COG2: variants seen among roughly 807,000 people sequenced by gnomAD.
The protein encoded by COG2 is component of oligomeric golgi complex 2, also known as conserved oligomeric Golgi complex subunit 2.
A neutral mutation model predicts 90.6 loss-of-function variants in COG2; 52 were observed. The ratio of observed to expected loss-of-function variants is 0.57; its 90% CI spans 0.46 to 0.72. The LOEUF (loss-of-function observed/expected upper bound fraction) is 0.72. Ranked by LOEUF, COG2 falls within the 30% of genes least tolerant of loss-of-function variation. The pLI, the probability that COG2 is intolerant of heterozygous loss-of-function variation, is 0.00. For synonymous variants in COG2, 337 were observed against 320.4 expected, an observed-to-expected ratio of 1.05 and a Z score of -0.55; for missense variants, 829 against 891.2, an observed-to-expected ratio of 0.93 and a Z score of 0.89.
Position 230,678,922 on chromosome 1 carries a change from A to G in COG2, c.1036A>G (p.Ile346Val), listed in dbSNP as rs11558606. The G allele has an allele frequency of 0.055, 88,494 of 1,611,504 alleles. 2,700 individuals are homozygous for G. Among genetic ancestry groups the G allele is most frequent in the East Asian group, 0.094 (4,228 of 44,818 alleles). Residue 346 changes from isoleucine to valine, a missense_variant, in exon 10 of 18, where the codon ATA becomes GTA. By Grantham distance (29) the Ile-to-Val change is conservative. Coordinates refer to ENST00000366669, the MANE Select transcript of COG2 (RefSeq NM_007357.3). ...NPDAFHEKYT[I>V]SMDFVRRLER... ...TTTTGTTTTATTTTAGAAATATACC[A>G]TAAGTATGGATTTTGTCAGAAGATT...
Position 230,690,044 on chromosome 1 carries a change from G to A in COG2, c.1825G>A (p.Asp609Asn), listed in dbSNP as rs542540708. The change falls in exon 16 of 18, where the codon GAC (aspartate) becomes AAC (asparagine). Residue 609 changes from aspartate (D) to asparagine (N), a missense_variant. Transcript: ENST00000366669. ...EVPTTASSYV[D>N]SALKPLFQLQ... ...CCCAACCACAGCTTCCTCCTATGTGGACAGTGCTCTGAAGCCCTTATTCCA... is the reference window on the plus strand; with the variant it reads ...CCCAACCACAGCTTCCTCCTATGTGAACAGTGCTCTGAAGCCCTTATTCCA... 60 of 1,610,958 alleles carry A rather than the reference G, an allele frequency of 3.7e-5. No homozygotes were observed. The Admixed American group carries it at 7.2e-4, about 19-fold the overall frequency.
At chr1:230,693,262 T>A in intron 17 of COG2, 30 bp from the exon 18 acceptor site, 1 of 1,330,338 alleles carries the variant, frequency 7.5e-7, no homozygotes, top group South Asian at 1.2e-5. Context: ...TGAATTGCAG[T>A]AACATAATTC....
chr1:230,650,545 G>C (rs1278952200), intron 1 of COG2, among the ~76,000 whole-genome samples: 1 of 152,002 alleles, frequency 6.6e-6, no homozygotes, highest in African/African-American at 2.4e-5. Flanking sequence ...ACTTTTTAAT[G>C]GGGTTACTTG....
chr1:230,682,575 G>A (rs1229733047), intron 10 of COG2: 1 of 152,232 alleles, frequency 6.6e-6, no homozygotes, highest in African/African-American at 2.4e-5. Context: ...TGTCTTCAGT[G>A]CTCAGCTGTG....
intron 1 of COG2, among the ~76,000 whole-genome samples, chr1:230,645,233 C>CAAAAAAAAAAAAAAAAAA (rs57806034): frequency 1.1e-5 from 1 of 91,062 alleles, no homozygotes. Flanking sequence ...GAGACCCTGT[C>CAAAAAAAAAAAAAAAAAA]AAAAAAAAAA....
rs549519631 is a variant in COG2, at chr1:230,660,633, A to G, written c.235-125A>G. On this transcript the variant is annotated intron_variant, in intron 2 of 17. Transcript: ENST00000366669. ...TTGTTATTTAGTTACTTAACAATAT[A>G]TGGTTGTTCATTTTGTTGTACAGAA... 5.5e-4 allele frequency: 287 copies of G among 523,046 alleles called. 3 individuals are homozygous for G. The highest frequency in any genetic ancestry group is 5.3e-3 in the African/African-American group (272 of 51,320). 32.4% of individuals were successfully genotyped at this position (523,046 alleles called of 1,614,324 possible). A position where few individuals can be genotyped will look rare whatever the true frequency, so the allele number is the denominator to read the frequency against.
In COG2 at chr1:230,693,375, A is replaced by G; in HGVS notation, c.2199A>G (p.Ala733=). The part of the protein sequence containing the change: ...AELVAAAKDQ[A]TAEQP ...TTGTTGCTGCTGCCAAGGACCAGGC[A>G]ACAGCAGAGCAGCCTTAAGCATCTT... Residue 733 remains alanine (A), a synonymous_variant, in exon 18 of 18, where the codon GCA becomes GCG. Coordinates refer to ENST00000366669, the MANE Select transcript of COG2 (RefSeq NM_007357.3). 6.2e-7 allele frequency: 1 copy of G among 1,612,466 alleles called. No individual in the cohort carries two copies. Among genetic ancestry groups the G allele is most frequent in the Non-Finnish European group, 8.5e-7 (1 of 1,178,834 alleles).
intron 12 of COG2, among the ~76,000 whole-genome samples, chr1:230,686,447 T>C (rs1422518150): frequency 1.3e-5 from 2 of 152,222 alleles, no homozygotes; most frequent in Non-Finnish European, 2.9e-5. Context: ...TATCCCATTC[T>C]TTTCTTGATG....
intron 10 of COG2, 63 bp from the exon 11 acceptor site, chr1:230,683,511 T>A (rs1472187291): frequency 3.2e-6 from 4 of 1,267,286 alleles, no homozygotes; most frequent in Admixed American, 3.4e-5. Flanking sequence ...AAACAGAGAA[T>A]GGATAGGGAA....
Position 230,664,476 on chromosome 1 carries a change from A to G in COG2, c.382-8A>G, listed in dbSNP as rs758006204. The G allele has an allele frequency of 2.4e-6, 3 of 1,253,712 alleles. No homozygotes were observed. The highest frequency in any genetic ancestry group is 3.0e-5 in the South Asian group (2 of 67,674). The allele number at this position is 1,253,712 out of a possible 1,614,324, so 77.7% of individuals were successfully genotyped here. A position where few individuals can be genotyped will look rare whatever the true frequency, so the allele number is the denominator to read the frequency against. Reference sequence around the variant, plus strand: ...ACAATAACTTTTTTCCTTAATTTTTATTTATAGATGTGTGTATTGAGGCTT... The same window carrying G: ...ACAATAACTTTTTTCCTTAATTTTTGTTTATAGATGTGTGTATTGAGGCTT... On this transcript the variant is annotated splice_polypyrimidine_tract_variant and splice_region_variant and intron_variant, in intron 4 of 17. Transcript: ENST00000366669.
At chr1:230,673,357 C>T (rs1490335837) in intron 8 of COG2, among the ~76,000 whole-genome samples, 1 of 152,182 alleles carries the variant, frequency 6.6e-6, no homozygotes, top group African/African-American at 2.4e-5. Flanking sequence ...TGCTCGGCTC[C>T]TGGCTTCAGA....
intron 5 of COG2, among the ~76,000 whole-genome samples, chr1:230,666,520 A>G (rs1009961049): frequency 2.0e-5 from 3 of 152,096 alleles, no homozygotes; most frequent in African/African-American, 7.2e-5. Flanking sequence ...ACATCTTACT[A>G]TGTGATTGGG....
At chr1:230,658,172 T>G (rs571856992) in intron 1 of COG2, among the ~76,000 whole-genome samples, 4 of 152,302 alleles carry the variant, frequency 2.6e-5, no homozygotes, top group Non-Finnish European at 5.9e-5. Flanking sequence ...ATTTTCAGCA[T>G]TTTTGTGCTG....
At chr1:230,649,932 A>G (rs910832432) in intron 1 of COG2, among the ~76,000 whole-genome samples, 2 of 152,080 alleles carry the variant, frequency 1.3e-5, no homozygotes, top group Admixed American at 1.3e-4. Context: ...GTCCACATAT[A>G]CCCATCATTT....
chr1:230,661,451 G>A (rs1662176316), intron 3 of COG2: 1 of 152,316 alleles, frequency 6.6e-6, no homozygotes, highest in Admixed American at 6.5e-5. Flanking sequence ...ACCCTGTCCT[G>A]TCCCTGCTGG....
chr1:230,688,089 A>G lies in COG2; in HGVS notation c.1597A>G (p.Ile533Val), dbSNP rs756344160. The change falls in exon 14 of 18, where the codon ATA becomes GTA. Residue 533 changes from isoleucine (I) to valine (V), a missense_variant. Transcript: ENST00000366669. ...LQEQLPELLE[I>V]IKPKLEMIGF... is the part of the protein sequence containing the mutation. The stretch of plus-strand genomic sequence containing the variant: ...ATTTCAGCTTCCAGAACTCTTGGAA[A>G]TAATCAAGCCAAAACTTGAAATGAT... 1 of 1,598,748 alleles carries G rather than the reference A, an allele frequency of 6.3e-7. No homozygotes were observed. Among genetic ancestry groups the G allele is most frequent in the African/African-American group, 1.3e-5 (1 of 74,248 alleles).
chr1:230,683,669 C>T (rs369503048), intron 11 of COG2, 34 bp downstream of exon 11: 17 of 1,404,370 alleles, frequency 1.2e-5, no homozygotes, highest in Non-Finnish European at 1.6e-5. Context: ...GGCATGGTAT[C>T]CTAAATGAGT....
chr1:230,673,648 A>G (rs1662513677), intron 8 of COG2, among the ~76,000 whole-genome samples: 1 of 152,202 alleles, frequency 6.6e-6, no homozygotes, highest in South Asian at 2.1e-4. Context: ...TTCTTTCTCT[A>G]GATACCTTAA....
At chr1:230,691,588 T>C (rs766907478) in intron 17 of COG2, 24 bp downstream of exon 17, 1 of 1,592,956 alleles carries the variant, frequency 6.3e-7, no homozygotes, top group South Asian at 1.1e-5. Context: ...CGCCGGCAGC[T>C]CCAGCGAGCC....
Sources: gnomAD v4.1 joint callset for allele counts (sites outside exome capture counted in the v4.1 genomes callset) on GRCh38, gnomAD v4.1.1 for gene constraint, MANE v1.5 for transcripts, NCBI Gene and HGNC (gene_info 2026-07-23, HGNC 2026-07-21) for gene names.